Variants in REDIC1 observed in about 807,000 individuals in gnomAD.
The protein encoded by REDIC1 is regulator of DNA class I crossover intermediates 1.
chr12:39,757,300 TGCTTTAATATGGTA>T, the REDIC1 span: 1 of 151,856 alleles, frequency 6.6e-6, no homozygotes, highest in Admixed American at 6.6e-5. Flanking sequence ...AATCTGTGTC[TGCTTTAATATGGTA>T]GGTCAAATCA....
At chr12:39,781,244 T>C in the REDIC1 span, among the ~76,000 whole-genome samples, 17 of 152,162 alleles carry the variant, frequency 1.1e-4, no homozygotes, top group Non-Finnish European at 1.9e-4. Context: ...GTGAATAGCT[T>C]AACAGGTCTA....
chr12:39,827,006 A>ATT, the REDIC1 span, among the ~76,000 whole-genome samples: 7 of 150,600 alleles, frequency 4.6e-5, no homozygotes, highest in South Asian at 8.5e-4. Flanking sequence ...TTTTAATGGC[A>ATT]AAAAGTAATG....
the REDIC1 span, among the ~76,000 whole-genome samples, chr12:39,629,537 T>C: frequency 6.6e-6 from 1 of 152,206 alleles, no homozygotes; most frequent in African/African-American, 2.4e-5. Flanking sequence ...TAAACCAAAC[T>C]GGGCATTTGA....
At chr12:39,769,441 T>C in the REDIC1 span, among the ~76,000 whole-genome samples, 2 of 152,150 alleles carry the variant, frequency 1.3e-5, no homozygotes, top group African/African-American at 2.4e-5. Flanking sequence ...TTTAAAAGAA[T>C]TGAAGATCAT....
At chr12:39,628,507 T>A in the REDIC1 span, among the ~76,000 whole-genome samples, 1 of 152,204 alleles carries the variant, frequency 6.6e-6, no homozygotes, top group African/African-American at 2.4e-5. Flanking sequence ...TTGTTAGGGA[T>A]GTTTTTGGCT....
chr12:39,883,721 A>G, the REDIC1 span, among the ~76,000 whole-genome samples: 1 of 152,214 alleles, frequency 6.6e-6, no homozygotes, highest in Non-Finnish European at 1.5e-5. Flanking sequence ...CATTCTATAT[A>G]AAAGCAACAT....
the REDIC1 span, among the ~76,000 whole-genome samples, chr12:39,895,813 TACACACATGTATATGCGTGTATATGC>T: frequency 4.4e-3 from 384 of 86,936 alleles, 120 homozygotes; most frequent in African/African-American, 0.017. Flanking sequence ...CGTGTATACG[TACACACATGTATATGCGTGTATATGC>T]ACACACATAT....
the REDIC1 span, among the ~76,000 whole-genome samples, chr12:39,816,850 T>C: frequency 6.6e-6 from 1 of 152,120 alleles, no homozygotes; most frequent in Non-Finnish European, 1.5e-5. Context: ...ATTCTAAACA[T>C]TTGAAAGATT....
chr12:39,646,289 T>C, the REDIC1 span: 4 of 654,564 alleles, frequency 6.1e-6, no homozygotes, highest in African/African-American at 7.7e-5. Context: ...CAATTTTTTA[T>C]TCTTATTTTA....
the REDIC1 span, among the ~76,000 whole-genome samples, chr12:39,665,553 C>A: frequency 6.7e-6 from 1 of 149,204 alleles, no homozygotes; most frequent in African/African-American, 2.5e-5. Context: ...CTTGGCGATG[C>A]GGGCTCTTTT....
the REDIC1 span, among the ~76,000 whole-genome samples, chr12:39,631,886 A>T: frequency 0.29 from 43,354 of 151,982 alleles, 7,674 homozygotes; most frequent in Admixed American, 0.37. Flanking sequence ...TCTGAAAACT[A>T]TGAGTAACAC....
chr12:39,749,531 A>G, the REDIC1 span, among the ~76,000 whole-genome samples: 1 of 152,324 alleles, frequency 6.6e-6, no homozygotes, highest in East Asian at 1.9e-4. Context: ...AACTATTCCA[A>G]TCAATAGAAA....
chr12:39,862,601 G>C, the REDIC1 span, among the ~76,000 whole-genome samples: 2,688 of 152,260 alleles, frequency 0.018, 80 homozygotes, highest in African/African-American at 0.058. Flanking sequence ...ACTCCATGGG[G>C]AAAGCATACT....
the REDIC1 span, among the ~76,000 whole-genome samples, chr12:39,641,920 C>T: frequency 6.6e-6 from 1 of 151,696 alleles, no homozygotes; most frequent in African/African-American, 2.4e-5. Flanking sequence ...GAACTTTATG[C>T]TGTTCAATTG....
chr12:39,901,036 A>G, the REDIC1 span, among the ~76,000 whole-genome samples: 2 of 152,166 alleles, frequency 1.3e-5, no homozygotes, highest in South Asian at 2.1e-4. Flanking sequence ...ATAACACTGC[A>G]TATCTACAAC....
At chr12:39,642,008 T>C in the REDIC1 span, among the ~76,000 whole-genome samples, 2 of 151,810 alleles carry the variant, frequency 1.3e-5, no homozygotes, top group Non-Finnish European at 2.9e-5. Flanking sequence ...GATCTTTCTT[T>C]GGTACATTCT....
At chr12:39,694,815 C>T in the REDIC1 span, among the ~76,000 whole-genome samples, 1 of 152,092 alleles carries the variant, frequency 6.6e-6, no homozygotes, top group Non-Finnish European at 1.5e-5. Flanking sequence ...CCAGACCACT[C>T]AGCTTGCAGC....
chr12:39,630,941 A>T, the REDIC1 span, among the ~76,000 whole-genome samples: 2 of 152,196 alleles, frequency 1.3e-5, no homozygotes, highest in Admixed American at 1.3e-4. Flanking sequence ...TGCCCAGTTT[A>T]GCATTTGTCT....
chr12:39,758,811 T>C, the REDIC1 span: 92 of 151,764 alleles, frequency 6.1e-4, no homozygotes, highest in African/African-American at 2.1e-3. Context: ...TTCTGGTAAA[T>C]TCTCAGGAAA....
Sources: allele counts gnomAD v4.1 joint callset (sites outside exome capture counted in the v4.1 genomes callset), GRCh38; gene constraint gnomAD v4.1.1; transcripts MANE v1.5; gene names NCBI Gene and HGNC (gene_info 2026-07-23, HGNC 2026-07-21).